Variants in PTPRR observed in about 807,000 individuals in gnomAD.
PTPRR encodes protein tyrosine phosphatase receptor type R, also known as receptor-type tyrosine-protein phosphatase R.
Under a neutral mutation model 77.2 loss-of-function variants are expected in PTPRR, and 38 were observed. That is an observed-to-expected ratio of 0.49 (90% CI 0.38 to 0.65). The LOEUF (loss-of-function observed/expected upper bound fraction) is 0.65. Among genes scored for constraint, PTPRR ranks in the 30% least tolerant of loss-of-function variants. The pLI is 0.00. For synonymous variants in PTPRR, 299 were observed against 283.1 expected (o/e 1.06, Z -0.57); for missense variants, 744 against 799.2 (o/e 0.93, Z 0.83).
At chr12:70,755,288 T>C (rs1890533217) in intron 4 of PTPRR, among the ~76,000 whole-genome samples, 1 of 152,158 alleles carries the variant, frequency 6.6e-6, no homozygotes, top group Non-Finnish European at 1.5e-5. Context: ...TGAGAGTACA[T>C]GTCTGTCCTT....
chr12:70,649,302 T>C (rs900459197), intron 13 of PTPRR, among the ~76,000 whole-genome samples: 1 of 152,174 alleles, frequency 6.6e-6, no homozygotes, highest in Non-Finnish European at 1.5e-5. Flanking sequence ...TCCAAATCAC[T>C]GCCTTGTCTT....
intron 10 of PTPRR, among the ~76,000 whole-genome samples, chr12:70,675,670 ATTC>A (rs1211771780): frequency 6.6e-6 from 1 of 151,482 alleles, no homozygotes; most frequent in Admixed American, 6.6e-5. Context: ...TCTGGATTGA[ATTC>A]TTCTTCATTC....
intron 8 of PTPRR, among the ~76,000 whole-genome samples, chr12:70,695,739 C>CAG (rs763496401): frequency 4.0e-5 from 6 of 151,216 alleles, no homozygotes; most frequent in African/African-American, 9.7e-5. Flanking sequence ...AAAAATTTAA[C>CAG]AGAGAGAGAG....
In PTPRR at chr12:70,672,011, T is replaced by G; in HGVS notation, c.1498-9406A>C. On this transcript the variant is annotated intron_variant, in intron 10 of 13. Transcript: ENST00000283228. ...CTCCAGAGACATGAGACTAGTCCAG[T>G]TCCAGGCACCCCACCTGGTGGGGCC... 4 of 1,307,758 alleles carry G rather than the reference T, an allele frequency of 3.1e-6. No homozygotes were observed. In the South Asian group the frequency reaches 4.8e-5, roughly 16 times the overall value. The allele number at this position is 1,307,758 out of a possible 1,614,324, so 81.0% of individuals were successfully genotyped here.
At chr12:70,904,018 A>G (rs1893582274) in intron 1 of PTPRR, among the ~76,000 whole-genome samples, 1 of 151,888 alleles carries the variant, frequency 6.6e-6, no homozygotes, top group Admixed American at 6.6e-5. Context: ...GCATATTAAA[A>G]ATTGTGATAT....
At chr12:70,768,248 C>G (rs1037138490) in intron 2 of PTPRR, among the ~76,000 whole-genome samples, 5 of 151,810 alleles carry the variant, frequency 3.3e-5, no homozygotes, top group African/African-American at 1.2e-4. Flanking sequence ...AAAGGATCAA[C>G]AAAATTGATA....
intron 7 of PTPRR, among the ~76,000 whole-genome samples, chr12:70,699,317 G>A (rs931359033): frequency 1.3e-5 from 2 of 152,108 alleles, no homozygotes; most frequent in Non-Finnish European, 2.9e-5. Flanking sequence ...AATATTGATT[G>A]AAATAGAAGA....
chr12:70,844,153 G>C (rs1892445551), intron 2 of PTPRR, among the ~76,000 whole-genome samples: 1 of 152,056 alleles, frequency 6.6e-6, no homozygotes, highest in African/African-American at 2.4e-5. Context: ...TAAGACAATT[G>C]TAATAGACTA....
chr12:70,662,651 T>A, intron 10 of PTPRR, 46 bp from the exon 11 acceptor site: 5 of 1,140,032 alleles, frequency 4.4e-6, no homozygotes, highest in South Asian at 1.3e-5. Context: ...TGGCTTTTAT[T>A]AGCCATGGAG....
At chr12:70,886,225 G>A (rs181058041) in intron 2 of PTPRR, among the ~76,000 whole-genome samples, 5 of 152,330 alleles carry the variant, frequency 3.3e-5, no homozygotes, top group Admixed American at 2.0e-4. Context: ...CTCAAGAACG[G>A]AATTTCTACT....
intron 1 of PTPRR, among the ~76,000 whole-genome samples, chr12:70,893,244 A>G (rs1054900618): frequency 1.3e-5 from 2 of 151,910 alleles, no homozygotes; most frequent in Non-Finnish European, 2.9e-5. Context: ...TGCCACTTTT[A>G]CTAAGAAATT....
intron 2 of PTPRR, among the ~76,000 whole-genome samples, chr12:70,805,313 T>TATATGTATATAC (rs1891690215): frequency 6.6e-6 from 1 of 151,204 alleles, no homozygotes; most frequent in Non-Finnish European, 1.5e-5. Context: ...TATGTATATA[T>TATATGTATATAC]GTATATGTAT....
Position 70,920,401 on chromosome 12 carries a change from T to A in PTPRR, c.-11A>T. On this transcript the variant is annotated 5_prime_UTR_variant, in exon 1 of 14. The change abolishes an upstream ATG in the 5' untranslated region. Coordinates refer to ENST00000283228, the MANE Select transcript of PTPRR (RefSeq NM_002849.4). ...GACTGCTCTCCGCATAGTGTTTGCATTGAGAGGTGGAGGAGAAACTCCACC... is the reference window on the plus strand; with the variant it reads ...GACTGCTCTCCGCATAGTGTTTGCAATGAGAGGTGGAGGAGAAACTCCACC... The A allele has an allele frequency of 6.2e-7, 1 of 1,612,108 alleles. No homozygotes were observed. Among genetic ancestry groups the A allele is most frequent in the Non-Finnish European group, 8.5e-7 (1 of 1,179,200 alleles).
intron 2 of PTPRR, among the ~76,000 whole-genome samples, chr12:70,835,543 T>C (rs1253742158): frequency 6.6e-6 from 1 of 152,064 alleles, no homozygotes; most frequent in African/African-American, 2.4e-5. Flanking sequence ...ATTGTTACAC[T>C]GCCAGCCAAG....
At chr12:70,844,402 T>C (rs1399851156) in intron 2 of PTPRR, among the ~76,000 whole-genome samples, 1 of 152,190 alleles carries the variant, frequency 6.6e-6, no homozygotes, top group Non-Finnish European at 1.5e-5. Context: ...CCTACTGTGA[T>C]TGAATTCAAG....
chr12:70,919,673 G>GTTTTTTTTTTTTT (rs58439089), intron 1 of PTPRR, among the ~76,000 whole-genome samples: 9 of 110,080 alleles, frequency 8.2e-5, no homozygotes, highest in Non-Finnish European at 1.3e-4. Context: ...AACTGTAATT[G>GTTTTTTTTTTTTT]TTTTTTTTTT....
chr12:70,728,670 C>T lies in PTPRR; in HGVS notation c.1007+17148G>A, dbSNP rs377577121. 1.0e-4 allele frequency among the ~76,000 whole-genome samples: 15 copies of T among 150,558 alleles called. No individual in the cohort carries two copies. In the East Asian group the frequency reaches 1.8e-3, roughly 18 times the overall value. On this transcript the variant is annotated intron_variant, in intron 6 of 13. Transcript: ENST00000283228. Reference sequence around the variant, plus strand: ...TCAATAAGTTTTGAATTTTGGAGCACTTTGGATTTTGGATTTTTGGATTAG... The same window carrying T: ...TCAATAAGTTTTGAATTTTGGAGCATTTTGGATTTTGGATTTTTGGATTAG...
intron 11 of PTPRR, among the ~76,000 whole-genome samples, chr12:70,661,519 A>C (rs902163481): frequency 6.6e-6 from 1 of 152,198 alleles, no homozygotes; most frequent in Non-Finnish European, 1.5e-5. Context: ...ATTTCATATC[A>C]GTCATGCTAA....
At chr12:70,907,026 T>C (rs1274084785) in intron 1 of PTPRR, 1 of 152,202 alleles carries the variant, frequency 6.6e-6, no homozygotes. Context: ...TAAAGAAAAC[T>C]AAAATAAAAT....
Sources: gnomAD v4.1 joint callset for allele counts (sites outside exome capture counted in the v4.1 genomes callset) on GRCh38, gnomAD v4.1.1 for gene constraint, MANE v1.5 for transcripts, NCBI Gene and HGNC (gene_info 2026-07-23, HGNC 2026-07-21) for gene names.